MACROD2: variants seen among roughly 807,000 people sequenced by gnomAD.
The protein encoded by MACROD2 is ADP-ribose glycohydrolase MACROD2.
Under a neutral mutation model 70.4 loss-of-function variants are expected in MACROD2, and 36 were observed. The ratio of observed to expected loss-of-function variants is 0.51; its 90% CI spans 0.39 to 0.68. The LOEUF (loss-of-function observed/expected upper bound fraction) is 0.68. Among genes scored for constraint, MACROD2 ranks in the 30% least tolerant of loss-of-function variants. The pLI, the probability that MACROD2 is intolerant of heterozygous loss-of-function variation, is 0.00. For missense variants in MACROD2, 496 were observed against 538.4 expected, an observed-to-expected ratio of 0.92 and a Z score of 0.78; for synonymous variants, 172 against 178.8, an observed-to-expected ratio of 0.96 and a Z score of 0.30.
At chr20:15,019,533 A>G (rs1325752741) in intron 5 of MACROD2, among the ~76,000 whole-genome samples, 1 of 152,186 alleles carries the variant, frequency 6.6e-6, no homozygotes, top group Non-Finnish European at 1.5e-5. Context: ...GGTACCACTT[A>G]TGGCCTCCTT....
chr20:14,788,763 G>GTTTTTTT lies in MACROD2; in HGVS notation c.418+103821_418+103827dup, dbSNP rs1195877119. Among the ~76,000 whole-genome samples, 18 of 79,476 alleles carry GTTTTTTT rather than the reference G, an allele frequency of 2.3e-4. 1 individual carries two copies. Among genetic ancestry groups the GTTTTTTT allele is most frequent in the South Asian group, 5.4e-4 (1 of 1,850 alleles). The allele number at this position is 79,476 out of a possible 152,430, so 52.1% of individuals were successfully genotyped here. Reference sequence around the variant, plus strand: ...AAAAATTCCTCAAACTAGTGGTGGTGTTTTTTTTTTTTTTTTTTTTTTTGA... The same window carrying GTTTTTTT: ...AAAAATTCCTCAAACTAGTGGTGGTGTTTTTTTTTTTTTTTTTTTTTTTTTTTTTTGA... On this transcript the variant is annotated intron_variant, in intron 5 of 17. Transcript: ENST00000684519.
chr20:14,346,927 G>T (rs1390595968), intron 3 of MACROD2, among the ~76,000 whole-genome samples: 1 of 152,132 alleles, frequency 6.6e-6, no homozygotes, highest in Non-Finnish European at 1.5e-5. Flanking sequence ...TCCCAAGTTG[G>T]TCTGTCCACT....
intron 3 of MACROD2, among the ~76,000 whole-genome samples, chr20:14,236,506 C>T (rs6042606): frequency 0.97 from 147,522 of 152,216 alleles, 71,503 homozygotes; most frequent in Admixed American, 0.99. Flanking sequence ...ACATCTGCCA[C>T]CTTGCATTTA....
intron 5 of MACROD2, among the ~76,000 whole-genome samples, chr20:15,037,269 T>A (rs2075320492): frequency 6.6e-6 from 1 of 152,202 alleles, no homozygotes; most frequent in African/African-American, 2.4e-5. Context: ...TTTTAGGTGC[T>A]TGGTTCCCTA....
chr20:15,713,961 G>A (rs1472246123), intron 8 of MACROD2, among the ~76,000 whole-genome samples: 3 of 146,474 alleles, frequency 2.0e-5, no homozygotes, highest in Non-Finnish European at 4.5e-5. Flanking sequence ...AGCAGTAGAT[G>A]TGTTCTAGTA....
chr20:15,477,293 C>G (rs62193895), intron 7 of MACROD2, among the ~76,000 whole-genome samples: 8,333 of 151,950 alleles, frequency 0.055, 252 homozygotes, highest in African/African-American at 0.08. Flanking sequence ...TAGGACATCA[C>G]TATATTGCCC....
chr20:15,224,219 G>T (rs991708952), intron 5 of MACROD2, among the ~76,000 whole-genome samples: 3 of 152,216 alleles, frequency 2.0e-5, no homozygotes, highest in African/African-American at 4.8e-5. Context: ...TAATAGGATG[G>T]TGGTTGCTGT....
At chr20:15,882,146 G>C (rs2064763323) in intron 9 of MACROD2, among the ~76,000 whole-genome samples, 1 of 152,106 alleles carries the variant, frequency 6.6e-6, no homozygotes, top group Non-Finnish European at 1.5e-5. Flanking sequence ...CTAAAAGTAA[G>C]CTGACAAAAG....
At chr20:14,811,920 A>C (rs564783842) in intron 5 of MACROD2, among the ~76,000 whole-genome samples, 9 of 152,234 alleles carry the variant, frequency 5.9e-5, no homozygotes, top group Non-Finnish European at 7.4e-5. Context: ...TTAAAAAGTC[A>C]GGAAACAACA....
At chr20:14,781,169 T>C (rs188246715) in intron 5 of MACROD2, among the ~76,000 whole-genome samples, 2 of 152,154 alleles carry the variant, frequency 1.3e-5, no homozygotes, top group Non-Finnish European at 2.9e-5. Context: ...CAACTTTGTA[T>C]CCATTGGCCA....
chr20:15,441,180 T>C (rs1207055491), intron 7 of MACROD2, among the ~76,000 whole-genome samples: 1 of 152,166 alleles, frequency 6.6e-6, no homozygotes, highest in East Asian at 1.9e-4. Context: ...CAAGTTTAGC[T>C]AACATTCTCA....
chr20:16,010,467 A>G (rs1256479236), intron 15 of MACROD2, among the ~76,000 whole-genome samples: 1 of 152,268 alleles, frequency 6.6e-6, no homozygotes, highest in Non-Finnish European at 1.5e-5. Context: ...TTGTCCCTCT[A>G]GAATTTATAT....
chr20:15,917,253 A>G (rs777532330), intron 10 of MACROD2, among the ~76,000 whole-genome samples: 7 of 152,174 alleles, frequency 4.6e-5, no homozygotes, highest in Non-Finnish European at 1.0e-4. Context: ...ATCAGGTTGG[A>G]TACATTTTAC....
chr20:14,853,295 A>G (rs977835431), intron 5 of MACROD2, among the ~76,000 whole-genome samples: 1 of 151,894 alleles, frequency 6.6e-6, no homozygotes, highest in African/African-American at 2.4e-5. Flanking sequence ...GTGGGTTTGG[A>G]GAGGGCAGGT....
intron 8 of MACROD2, among the ~76,000 whole-genome samples, chr20:15,734,012 A>T (rs1279361955): frequency 6.6e-6 from 1 of 152,198 alleles, no homozygotes; most frequent in Non-Finnish European, 1.5e-5. Context: ...TAAAGTAGAG[A>T]TGTATACAGA....
intron 5 of MACROD2, among the ~76,000 whole-genome samples, chr20:15,186,801 T>C (rs1350322364): frequency 6.6e-6 from 1 of 152,206 alleles, no homozygotes; most frequent in Non-Finnish European, 1.5e-5. Context: ...TCAGGTATTT[T>C]TGTGTCACAC....
At chr20:14,347,586 C>G (rs1236831206) in intron 3 of MACROD2, among the ~76,000 whole-genome samples, 11 of 152,128 alleles carry the variant, frequency 7.2e-5, no homozygotes. Context: ...TGATTTCCAT[C>G]TTTTGCTCTT....
At chr20:14,892,727 G>A (rs984496504) in intron 5 of MACROD2, 1 of 152,092 alleles carries the variant, frequency 6.6e-6, no homozygotes, top group African/African-American at 2.4e-5. Flanking sequence ...AATTCTTTCT[G>A]GAGTGCAATG....
intron 5 of MACROD2, among the ~76,000 whole-genome samples, chr20:14,812,479 A>G (rs973007853): frequency 6.6e-6 from 1 of 151,778 alleles, no homozygotes; most frequent in South Asian, 2.1e-4. Flanking sequence ...AGGTGACGGG[A>G]TGCTAGGTGC....
Sources: allele counts gnomAD v4.1 joint callset (sites outside exome capture counted in the v4.1 genomes callset), GRCh38; gene constraint gnomAD v4.1.1; transcripts MANE v1.5; gene names NCBI Gene and HGNC (gene_info 2026-07-23, HGNC 2026-07-21).